CCDC93: variants seen among roughly 807,000 people sequenced by gnomAD.
CCDC93 encodes CCC complex scaffolding subunit CCDC93.
A neutral mutation model predicts 108.2 loss-of-function variants in CCDC93; 61 were observed. That is an observed-to-expected ratio of 0.56 (90% confidence interval 0.46 to 0.70). The LOEUF is 0.70. Ranked by LOEUF, CCDC93 falls within the 30% of genes least tolerant of loss-of-function variation. CCDC93 has a pLI of 0.00. For synonymous variants in CCDC93, 276 were observed against 260.4 expected (o/e 1.06, Z -0.58); for missense variants, 685 against 764.2 (o/e 0.90, Z 1.22).
At chr2:117,950,888 GC>G (rs1259523538) in intron 13 of CCDC93, 1 of 985,248 alleles carries the variant, frequency 1.0e-6, no homozygotes, top group Non-Finnish European at 1.2e-6. Flanking sequence ...TGGCCTCTCT[GC>G]CTTAGCTTTC....
At position 118,000,860 on chromosome 2, in the gene CCDC93, G is replaced by C; in HGVS notation, c.324C>G (p.Ile108Met). 6.2e-7 allele frequency: 1 copy of C among 1,613,662 alleles called. No individual in the cohort carries two copies. The highest frequency in any genetic ancestry group is 1.1e-5 in the South Asian group (1 of 91,072). Residue 108 changes from isoleucine (I) to methionine (M), a missense_variant, in exon 4 of 24, where the codon ATC becomes ATG. Physicochemically the swap from Ile to Met is conservative, Grantham distance 10. Transcript: ENST00000376300. ...KCPHQLEPHQ[I>M]QGMDFIHIFP... ...ATATGTGAATAAAATCCATCCCCTG[G>C]ATCTGGTGGGGCTCCAGCTGGTGTG...
intron 17 of CCDC93, chr2:117,944,828 G>A (rs1389589416): frequency 2.1e-5 from 10 of 470,850 alleles, no homozygotes; most frequent in South Asian, 1.2e-4. Context: ...AAAGGGAAGA[G>A]GAACCCTTAA....
At chr2:117,985,225 T>C (rs1477924374) in intron 7 of CCDC93, among the ~76,000 whole-genome samples, 1 of 151,960 alleles carries the variant, frequency 6.6e-6, no homozygotes, top group African/African-American at 2.4e-5. Context: ...CTGCTGGTTC[T>C]CTCTGGTACC....
At chr2:118,001,202 A>T in intron 3 of CCDC93, 1 of 329,596 alleles carries the variant, frequency 3.0e-6, no homozygotes, top group Non-Finnish European at 5.6e-6. Context: ...TTGTGAAATG[A>T]TGGTAACATT....
chr2:118,013,922 C>G (rs767621379), intron 1 of CCDC93, 32 bp downstream of exon 1: 16 of 1,543,640 alleles, frequency 1.0e-5, no homozygotes, highest in Non-Finnish European at 1.4e-5. Flanking sequence ...TCAGGAACCC[C>G]GACGTGTCAG....
intron 23 of CCDC93, among the ~76,000 whole-genome samples, chr2:117,926,938 A>G (rs1678129233): frequency 6.6e-6 from 1 of 152,222 alleles, no homozygotes; most frequent in African/African-American, 2.4e-5. Flanking sequence ...AGTGGGCTTC[A>G]TCCCTGGGAT....
Position 117,920,340 on chromosome 2 carries a change from T to G in CCDC93, c.*3A>C, listed in dbSNP as rs35891278. 535 of 1,609,702 alleles carry G rather than the reference T, an allele frequency of 3.3e-4. 7 individuals carry two copies. In the African/African-American group the frequency reaches 6.4e-3, roughly 19 times the overall value. On this transcript the variant is annotated 3_prime_UTR_variant, in exon 24 of 24. Coordinates refer to ENST00000376300, the MANE Select transcript of CCDC93 (RefSeq NM_019044.5). ...AATGACATACAGCCACGGCTGGGGA[T>G]GTTCAGGAGGCCTTCGCTTTCACCT...
chr2:118,001,040 G>C, intron 3 of CCDC93, 108 bp from the exon 4 acceptor site: 1 of 673,228 alleles, frequency 1.5e-6, no homozygotes. Flanking sequence ...CTCCATGCCA[G>C]GCTAGTCCAG....
chr2:117,998,319 C>T (rs1457805133), intron 4 of CCDC93: 3 of 151,896 alleles, frequency 2.0e-5, no homozygotes, highest in African/African-American at 7.3e-5. Flanking sequence ...CACGAGTGCC[C>T]GGGGGGAAAA....
intron 13 of CCDC93, 38 bp downstream of exon 13, chr2:117,952,335 A>G (rs1679082942): frequency 7.2e-7 from 1 of 1,396,022 alleles, no homozygotes; most frequent in South Asian, 1.2e-5. Flanking sequence ...ACAATTCTTG[A>G]CAAGGGCCCA....
Position 118,008,552 on chromosome 2 carries a change from A to AT in CCDC93, c.148_149insA (p.Phe50TyrfsTer2). ...AGAAAGATTTCCCCTTACCTTGTCA[A>AT]AGGGTGATAAGCCTTTAATTCTTGC... On this transcript the variant is annotated frameshift_variant, in exon 2 of 24. Transcript: ENST00000376300. LOFTEE classifies it high-confidence loss of function. 1 of 1,584,282 alleles carries AT rather than the reference A, an allele frequency of 6.3e-7. No individual in the cohort carries two copies. Among genetic ancestry groups the AT allele is most frequent in the Non-Finnish European group, 8.7e-7 (1 of 1,154,066 alleles).
intron 7 of CCDC93, among the ~76,000 whole-genome samples, chr2:117,983,146 G>A (rs1384513161): frequency 6.6e-6 from 1 of 152,012 alleles, no homozygotes; most frequent in Non-Finnish European, 1.5e-5. Flanking sequence ...TAAATACCAC[G>A]CCTAGAACCC....
chr2:118,002,708 C>T lies in CCDC93; in HGVS notation c.252-1776G>A, dbSNP rs371652843. 2.6e-5 allele frequency among the ~76,000 whole-genome samples: 4 copies of T among 152,228 alleles called. No individual in the cohort carries two copies. In the East Asian group the frequency reaches 7.8e-4, roughly 30 times the overall value. ...GCCTCTTCCCCCTCACCCTTCCTCC[C>T]TAACAGAGGAAGGGGTGAAGAGTGA... On this transcript the variant is annotated intron_variant, in intron 3 of 23. Transcript: ENST00000376300.
At chr2:117,964,198 G>A (rs1376330359) in intron 11 of CCDC93, among the ~76,000 whole-genome samples, 1 of 152,062 alleles carries the variant, frequency 6.6e-6, no homozygotes, top group Non-Finnish European at 1.5e-5. Context: ...TTATTGTGTG[G>A]GGGCACGGTG....
chr2:117,986,720 C>T (rs80185403), intron 6 of CCDC93, among the ~76,000 whole-genome samples: 7 of 152,018 alleles, frequency 4.6e-5, no homozygotes, highest in African/African-American at 9.7e-5. Flanking sequence ...GTAACACATA[C>T]GATATAATCT....
At chr2:117,931,529 G>C in intron 22 of CCDC93, 1 of 207,898 alleles carries the variant, frequency 4.8e-6, no homozygotes, top group Non-Finnish European at 9.8e-6. Flanking sequence ...GTAGAGGCCA[G>C]CAATGCTGCT....
chr2:117,994,748 A>T (rs1410671059), intron 6 of CCDC93, among the ~76,000 whole-genome samples: 1 of 152,242 alleles, frequency 6.6e-6, no homozygotes, highest in East Asian at 1.9e-4. Flanking sequence ...TATGAAAACC[A>T]ACTAGATGTA....
intron 8 of CCDC93, 140 bp downstream of exon 8, chr2:117,977,854 G>C (rs535454137): frequency 2.8e-6 from 2 of 708,824 alleles, no homozygotes; most frequent in Admixed American, 2.3e-5. Flanking sequence ...AGCCAGGACG[G>C]AGATGCAGGG....
intron 13 of CCDC93, chr2:117,950,503 C>T: frequency 6.1e-6 from 6 of 985,444 alleles, no homozygotes; most frequent in Non-Finnish European, 6.0e-6. Context: ...ACCCTCCATG[C>T]CCAGCTCTAC....
Sources: allele counts gnomAD v4.1 joint callset (sites outside exome capture counted in the v4.1 genomes callset), GRCh38; gene constraint gnomAD v4.1.1; transcripts MANE v1.5; gene names NCBI Gene and HGNC (gene_info 2026-07-23, HGNC 2026-07-21).